The following KCNIP4 variants were observed in gnomAD, a reference collection of about 807,000 sequenced individuals.
The protein encoded by KCNIP4 is Kv channel-interacting protein 4.
Under a neutral mutation model 34.0 loss-of-function variants are expected in KCNIP4, and 12 were observed. The observed-to-expected ratio is 0.35, with a 90% confidence interval of 0.23 to 0.57. The LOEUF is 0.57. KCNIP4 is among the 20% of genes least tolerant of loss of function. The pLI, the probability that KCNIP4 is intolerant of heterozygous loss-of-function variation, is 0.83. For missense variants in KCNIP4, 238 were observed against 311.7 expected (o/e 0.76, Z 1.78); for synonymous variants, 124 against 102.2 (o/e 1.21, Z -1.29).
At chr4:20,996,570 T>C (rs1339271759) in intron 1 of KCNIP4, among the ~76,000 whole-genome samples, 1 of 152,176 alleles carries the variant, frequency 6.6e-6, no homozygotes, top group Non-Finnish European at 1.5e-5. Context: ...CCTTATTTCT[T>C]AGACTGTCTC....
chr4:20,764,729 T>C (rs1755244216), intron 3 of KCNIP4, among the ~76,000 whole-genome samples: 2 of 147,576 alleles, frequency 1.4e-5, no homozygotes, highest in South Asian at 4.4e-4. Flanking sequence ...CAAACAGCAA[T>C]AATTTGCTTC....
intron 1 of KCNIP4, among the ~76,000 whole-genome samples, chr4:21,052,580 C>T (rs182321213): frequency 2.0e-5 from 3 of 152,236 alleles, no homozygotes; most frequent in Admixed American, 2.0e-4. Context: ...GAAAAATTTC[C>T]TGAAGGTAAT....
intron 1 of KCNIP4, among the ~76,000 whole-genome samples, chr4:20,967,709 G>A (rs1388292576): frequency 1.3e-5 from 2 of 152,148 alleles, no homozygotes; most frequent in Non-Finnish European, 2.9e-5. Flanking sequence ...AATGGTGCTG[G>A]TAAAACTGGC....
chr4:21,221,578 A>G (rs1425332), intron 1 of KCNIP4, among the ~76,000 whole-genome samples: 71,421 of 151,902 alleles, frequency 0.47, 18,072 homozygotes, highest in African/African-American at 0.67. Context: ...GGGGAACCGC[A>G]CCCATGATTC....
chr4:21,359,982 C>T (rs536499959), intron 1 of KCNIP4, among the ~76,000 whole-genome samples: 4 of 152,040 alleles, frequency 2.6e-5, no homozygotes, highest in Non-Finnish European at 5.9e-5. Flanking sequence ...GGATTGTGTG[C>T]AAGAACAAGA....
chr4:20,926,106 T>G (rs1729875364), intron 1 of KCNIP4, among the ~76,000 whole-genome samples: 1 of 152,168 alleles, frequency 6.6e-6, no homozygotes, highest in African/African-American at 2.4e-5. Flanking sequence ...CAAATTACCC[T>G]TATCAGACAG....
Position 20,729,475 on chromosome 4 carries a change from TTTTTAAATGTTTAATAATTTTTAAATG to T in KCNIP4, c.*580_*606del, listed in dbSNP as rs1747257073. 1.7e-5 allele frequency: 2 copies of T among 118,448 alleles called. No individual in the cohort carries two copies. The highest frequency in any genetic ancestry group is 3.6e-5 in the Non-Finnish European group (2 of 56,168). The allele number at this position is 118,448 out of a possible 1,614,324, so 7.3% of individuals were successfully genotyped here. On this transcript the variant is annotated 3_prime_UTR_variant, in exon 9 of 9. Transcript: ENST00000382152. ...ATGCTGATATCTGATAATAAACTAA[TTTTTAAATGTTTAATAATTTTTAAATG>T]TTTAAAAATGCCAGATAAAACTAAT...
In KCNIP4 at chr4:21,490,668, A is replaced by C. The variant is rs544524006; in HGVS notation, c.61+457903T>G. On this transcript the variant is annotated intron_variant, in intron 1 of 8. Transcript: ENST00000382152. ...CCCAGAAGTGCACACTATTCATTTAATATCTGAAAAAACTCTTTGTAACAA... is the reference window on the plus strand; with the variant it reads ...CCCAGAAGTGCACACTATTCATTTACTATCTGAAAAAACTCTTTGTAACAA... Among the ~76,000 whole-genome samples, 7 of 152,332 alleles carry C rather than the reference A, an allele frequency of 4.6e-5. No individual in the cohort carries two copies. In the East Asian group the frequency reaches 1.3e-3, roughly 29 times the overall value.
chr4:20,734,152 C>T (rs1288643833), intron 6 of KCNIP4, among the ~76,000 whole-genome samples: 1 of 152,150 alleles, frequency 6.6e-6, no homozygotes, highest in Non-Finnish European at 1.5e-5. Context: ...CTGTGTAATA[C>T]GAGTATCTTA....
At chr4:21,336,293 T>G (rs35206752) in intron 1 of KCNIP4, among the ~76,000 whole-genome samples, 3,873 of 152,248 alleles carry the variant, frequency 0.025, 197 homozygotes, top group East Asian at 0.19. Context: ...ACACTTTAGC[T>G]GTAAACATTC....
intron 1 of KCNIP4, among the ~76,000 whole-genome samples, chr4:21,782,105 C>A (rs1037342508): frequency 6.6e-6 from 1 of 151,986 alleles, no homozygotes; most frequent in African/African-American, 2.4e-5. Flanking sequence ...ACAAGCATAA[C>A]AACAATTACA....
intron 1 of KCNIP4, among the ~76,000 whole-genome samples, chr4:21,076,615 T>C (rs1170793840): frequency 1.3e-5 from 2 of 152,184 alleles, no homozygotes; most frequent in African/African-American, 4.8e-5. Flanking sequence ...TTCAGTTCTA[T>C]GACATTAAAG....
intron 1 of KCNIP4, among the ~76,000 whole-genome samples, chr4:21,910,750 T>A (rs1381620990): frequency 6.6e-6 from 1 of 152,222 alleles, no homozygotes; most frequent in Non-Finnish European, 1.5e-5. Context: ...CAGTTACTTT[T>A]CAGCTTCTGT....
At chr4:21,216,816 A>G (rs946053024) in intron 1 of KCNIP4, among the ~76,000 whole-genome samples, 1 of 152,190 alleles carries the variant, frequency 6.6e-6, no homozygotes, top group Admixed American at 6.5e-5. Flanking sequence ...TTAAGATAGA[A>G]AAATCCATAA....
At position 21,291,867 on chromosome 4, in the gene KCNIP4, A is replaced by AAAAGAAAGAAAG. The variant is rs1211617062; in HGVS notation, c.62-409170_62-409159dup. On this transcript the variant is annotated intron_variant, in intron 1 of 8. Coordinates refer to ENST00000382152, the MANE Select transcript of KCNIP4 (RefSeq NM_025221.6). ...AGACTCCGCCTCAAAAAAAAAAAAA[A>AAAAGAAAGAAAG]AAAGAAAGAAAGAAAGAAAGAAAGA... Among the ~76,000 whole-genome samples, 40 of 51,114 alleles carry AAAAGAAAGAAAG rather than the reference A, an allele frequency of 7.8e-4. 1 individual carries two copies. The highest frequency in any genetic ancestry group is 7.4e-3 in the East Asian group (16 of 2,152). The allele number at this position is 51,114 out of a possible 152,430, so 33.5% of individuals were successfully genotyped here.
chr4:21,378,645 C>T (rs1721191421), intron 1 of KCNIP4, among the ~76,000 whole-genome samples: 1 of 152,110 alleles, frequency 6.6e-6, no homozygotes, highest in Middle Eastern at 3.2e-3. Context: ...TTTTCCCTTC[C>T]AATTGCATTT....
chr4:21,926,306 C>A (rs2109002057), intron 1 of KCNIP4, among the ~76,000 whole-genome samples: 1 of 152,248 alleles, frequency 6.6e-6, no homozygotes, highest in African/African-American at 2.4e-5. Flanking sequence ...GTACAAAAGG[C>A]TCCAAAGCTT....
At chr4:21,126,599 T>C (rs1157681742) in intron 1 of KCNIP4, among the ~76,000 whole-genome samples, 2 of 134,534 alleles carry the variant, frequency 1.5e-5, no homozygotes, top group Admixed American at 1.5e-4. Flanking sequence ...ATCAACTTTG[T>C]TGAGAGAAGA....
chr4:20,743,813 T>A (rs1213571856), intron 5 of KCNIP4, among the ~76,000 whole-genome samples: 1 of 151,892 alleles, frequency 6.6e-6, no homozygotes, highest in East Asian at 1.9e-4. Context: ...CAAAAGAAAC[T>A]ACCATCAGAG....
Sources: allele counts gnomAD v4.1 joint callset (sites outside exome capture counted in the v4.1 genomes callset), GRCh38; gene constraint gnomAD v4.1.1; transcripts MANE v1.5; gene names NCBI Gene and HGNC (gene_info 2026-07-23, HGNC 2026-07-21).